The following AGBL1 variants were observed in gnomAD, a reference collection of about 807,000 sequenced individuals.
AGBL1 encodes AGBL carboxypeptidase 1.
AGBL1 carries 130 observed loss-of-function variants against 118.9 expected under a neutral mutation model. That is an observed-to-expected ratio of 1.09 (90% CI 0.95 to 1.26). The LOEUF (loss-of-function observed/expected upper bound fraction) is 1.26. Among genes scored for constraint, AGBL1 ranks in the 50% most tolerant of loss-of-function variants. The pLI, the probability that AGBL1 is intolerant of heterozygous loss-of-function variation, is 0.00. For synonymous variants in AGBL1, 555 were observed against 478.9 expected, an observed-to-expected ratio of 1.16 and a Z score of -2.08; for missense variants, 1,584 against 1,298.1, an observed-to-expected ratio of 1.22 and a Z score of -3.38.
intron 18 of AGBL1, among the ~76,000 whole-genome samples, chr15:86,409,905 C>T (rs1412172244): frequency 6.6e-6 from 1 of 152,114 alleles, no homozygotes; most frequent in Admixed American, 6.6e-5. Flanking sequence ...GAAATCCGTG[C>T]AGGGATGCAG....
At chr15:86,938,524 A>G (rs1395558761) in intron 23 of AGBL1, among the ~76,000 whole-genome samples, 2 of 152,168 alleles carry the variant, frequency 1.3e-5, no homozygotes, top group African/African-American at 2.4e-5. Flanking sequence ...ACGTATTTCC[A>G]ACTAATATGG....
At chr15:86,600,698 G>A (rs1051165474) in intron 21 of AGBL1, among the ~76,000 whole-genome samples, 24 of 152,138 alleles carry the variant, frequency 1.6e-4, no homozygotes, top group African/African-American at 4.8e-4. Flanking sequence ...GAAAGAATCT[G>A]GGTGGGGAGC....
At chr15:86,394,076 T>C (rs1025116550) in intron 17 of AGBL1, among the ~76,000 whole-genome samples, 1 of 152,146 alleles carries the variant, frequency 6.6e-6, no homozygotes, top group Non-Finnish European at 1.5e-5. Flanking sequence ...ACACAGTCTA[T>C]GGTATTCTGC....
At chr15:86,953,538 A>G (rs1215282754) in intron 23 of AGBL1, among the ~76,000 whole-genome samples, 1 of 151,718 alleles carries the variant, frequency 6.6e-6, no homozygotes, top group Non-Finnish European at 1.5e-5. Flanking sequence ...CTACAGGTAC[A>G]TGCCACTATG....
At chr15:86,432,168 A>C (rs2081942988) in intron 18 of AGBL1, among the ~76,000 whole-genome samples, 1 of 152,326 alleles carries the variant, frequency 6.6e-6, no homozygotes, top group South Asian at 2.1e-4. Context: ...ACAAACAACT[A>C]CATACATGTC....
intron 22 of AGBL1, among the ~76,000 whole-genome samples, chr15:86,825,664 A>AGAGG (rs1481226832): frequency 7.9e-6 from 1 of 126,778 alleles, no homozygotes; most frequent in Admixed American, 8.6e-5. Flanking sequence ...GGGAAGGGAA[A>AGAGG]GAGGGAGGGA....
At chr15:86,896,992 A>G (rs2080138698) in intron 22 of AGBL1, among the ~76,000 whole-genome samples, 1 of 152,150 alleles carries the variant, frequency 6.6e-6, no homozygotes, top group African/African-American at 2.4e-5. Flanking sequence ...ATATTTCTTG[A>G]GGTCTTGCAT....
At chr15:86,303,008 G>T (rs1420999195) in intron 17 of AGBL1, among the ~76,000 whole-genome samples, 1 of 152,092 alleles carries the variant, frequency 6.6e-6, no homozygotes, top group Non-Finnish European at 1.5e-5. Flanking sequence ...AAGTTTTGTG[G>T]CAGTAATGTA....
At chr15:86,960,221 G>C (rs1364623384) in intron 23 of AGBL1, among the ~76,000 whole-genome samples, 1 of 151,934 alleles carries the variant, frequency 6.6e-6, no homozygotes, top group African/African-American at 2.4e-5. Context: ...ATAGTTGATG[G>C]CTCTTAGTTT....
At chr15:86,290,039 A>G (rs1251624974) in intron 16 of AGBL1, among the ~76,000 whole-genome samples, 1 of 152,168 alleles carries the variant, frequency 6.6e-6, no homozygotes, top group Non-Finnish European at 1.5e-5. Context: ...AGTTTTCAAG[A>G]ATTAAATAAT....
chr15:86,787,741 A>T (rs966499135), intron 22 of AGBL1, among the ~76,000 whole-genome samples: 1 of 152,142 alleles, frequency 6.6e-6, no homozygotes, highest in Admixed American at 6.5e-5. Context: ...TCTTTTGGGG[A>T]TATGTCCAGC....
chr15:86,764,545 G>A (rs1000041971), intron 22 of AGBL1, among the ~76,000 whole-genome samples: 2 of 152,028 alleles, frequency 1.3e-5, no homozygotes, highest in African/African-American at 4.8e-5. Context: ...GGGCACATGG[G>A]TGCCTATTAT....
chr15:86,449,151 A>C (rs576745212), intron 18 of AGBL1, among the ~76,000 whole-genome samples: 1 of 152,358 alleles, frequency 6.6e-6, no homozygotes, highest in African/African-American at 2.4e-5. Flanking sequence ...TGGAACTCAG[A>C]AAATAAATAG....
At position 86,664,541 on chromosome 15, in the gene AGBL1, A is replaced by T. The variant is rs1385261352; in HGVS notation, c.2995-9732A>T. Among the ~76,000 whole-genome samples, 5 of 152,184 alleles carry T rather than the reference A, an allele frequency of 3.3e-5. No homozygotes were observed. The East Asian group carries it at 7.7e-4, about 23-fold the overall frequency. ...TTGTAAAGGTTCTGAGAATGTTTGG[A>T]GGGACAATACTAAGGAAATGGATGT... On this transcript the variant is annotated intron_variant, in intron 21 of 22. Coordinates refer to ENST00000614907, the MANE Select transcript of AGBL1 (RefSeq NM_001386094.1).
chr15:86,425,045 T>C (rs1438135400), intron 18 of AGBL1, among the ~76,000 whole-genome samples: 5 of 152,212 alleles, frequency 3.3e-5, no homozygotes, highest in African/African-American at 1.2e-4. Flanking sequence ...ACTGGGTATA[T>C]ACCCAAATGA....
At chr15:86,295,431 C>A (rs375049413) in intron 17 of AGBL1, 23 bp downstream of exon 17, 2 of 1,533,062 alleles carry the variant, frequency 1.3e-6, no homozygotes, top group African/African-American at 1.4e-5. Context: ...GGATCCTCTT[C>A]GTAGAAGATT....
At chr15:86,790,110 AG>A (rs1237464318) in intron 22 of AGBL1, among the ~76,000 whole-genome samples, 1 of 152,112 alleles carries the variant, frequency 6.6e-6, no homozygotes, top group African/African-American at 2.4e-5. Context: ...AACTTTCTGA[AG>A]AAGGTACACA....
At chr15:86,456,512 A>T (rs1596137284) in intron 18 of AGBL1, among the ~76,000 whole-genome samples, 1 of 152,238 alleles carries the variant, frequency 6.6e-6, no homozygotes, top group East Asian at 1.9e-4. Context: ...GAGAAGAAAA[A>T]CCTCTAACTA....
intron 22 of AGBL1, among the ~76,000 whole-genome samples, chr15:86,855,270 G>T (rs1031905181): frequency 6.6e-6 from 1 of 152,144 alleles, no homozygotes; most frequent in African/African-American, 2.4e-5. Context: ...AGGGGGAGGG[G>T]GTAGACACTG....
Sources: gnomAD v4.1 joint callset for allele counts (sites outside exome capture counted in the v4.1 genomes callset) on GRCh38, gnomAD v4.1.1 for gene constraint, MANE v1.5 for transcripts, NCBI Gene and HGNC (gene_info 2026-07-23, HGNC 2026-07-21) for gene names.